SV2C: variants seen among roughly 807,000 people sequenced by gnomAD.
SV2C encodes the protein solute carrier family 22 member B3.
A neutral mutation model predicts 79.7 loss-of-function variants in SV2C; 49 were observed. That is an observed-to-expected ratio of 0.61 (90% confidence interval 0.49 to 0.78). The LOEUF (loss-of-function observed/expected upper bound fraction) is 0.78. SV2C is among the 30% of genes least tolerant of loss of function. SV2C has a pLI of 0.00. For synonymous variants in SV2C, 334 were observed against 333.2 expected (o/e 1.00, Z -0.03); for missense variants, 833 against 912.9 (o/e 0.91, Z 1.13).
At chr5:76,049,335 A>AG in the SV2C span, among the ~76,000 whole-genome samples, 1 of 151,142 alleles carries the variant, frequency 6.6e-6, no homozygotes, top group African/African-American at 2.5e-5. Flanking sequence ...AAAAAAAAAA[A>AG]AAAGAAAAAA....
At chr5:76,093,651 T>A (rs1467208487) in intron 1 of SV2C, among the ~76,000 whole-genome samples, 1 of 152,190 alleles carries the variant, frequency 6.6e-6, no homozygotes, top group East Asian at 1.9e-4. Context: ...ACAAACTGAC[T>A]TCCAGACTGT....
chr5:75,951,450 T>C, the SV2C span, among the ~76,000 whole-genome samples: 3 of 151,988 alleles, frequency 2.0e-5, no homozygotes, highest in Admixed American at 2.0e-4. Context: ...GAAGAAATTA[T>C]TTCACCTCAG....
intron 1 of SV2C, among the ~76,000 whole-genome samples, chr5:76,104,844 A>G (rs905038709): frequency 3.9e-5 from 6 of 152,134 alleles, no homozygotes; most frequent in African/African-American, 1.2e-4. Flanking sequence ...TTTTGTCTAC[A>G]TGCGGTTGTT....
chr5:75,863,567 A>G, the SV2C span, among the ~76,000 whole-genome samples: 1 of 152,184 alleles, frequency 6.6e-6, no homozygotes, highest in African/African-American at 2.4e-5. Flanking sequence ...TTTCTTTGGC[A>G]GTTTTTCCTG....
the SV2C span, among the ~76,000 whole-genome samples, chr5:76,043,788 A>G: frequency 6.6e-6 from 1 of 152,148 alleles, no homozygotes; most frequent in Non-Finnish European, 1.5e-5. Flanking sequence ...CTTTTTCCAT[A>G]GTGTAAAATA....
At chr5:75,994,358 GAGCTCTA>G in the SV2C span, among the ~76,000 whole-genome samples, 1 of 152,162 alleles carries the variant, frequency 6.6e-6, no homozygotes, top group African/African-American at 2.4e-5. Flanking sequence ...CTCTGGCTCT[GAGCTCTA>G]ATTTGAGGAA....
Position 76,325,640 on chromosome 5 carries a change from A to AAGGT in SV2C, c.*94_*97dup. 1 of 1,514,130 alleles carries AAGGT rather than the reference A, an allele frequency of 6.6e-7. No individual in the cohort carries two copies. Among genetic ancestry groups the AAGGT allele is most frequent in the Non-Finnish European group, 8.9e-7 (1 of 1,129,042 alleles). The allele number at this position is 1,514,130 out of a possible 1,614,324, so 93.8% of individuals were successfully genotyped here. ...AGGCTTCAGAGTTTTCCTATATAGAAAGGTGATCAAGTATCAGAACATAAA... is the reference window on the plus strand; with the variant it reads ...AGGCTTCAGAGTTTTCCTATATAGAAAGGTAGGTGATCAAGTATCAGAACATAAA... On this transcript the variant is annotated 3_prime_UTR_variant, in exon 13 of 13. Coordinates refer to ENST00000502798, the MANE Select transcript of SV2C (RefSeq NM_014979.4).
intron 2 of SV2C, among the ~76,000 whole-genome samples, chr5:76,188,972 C>T (rs1365732392): frequency 6.6e-6 from 1 of 151,732 alleles, no homozygotes; most frequent in Non-Finnish European, 1.5e-5. Context: ...TGGGGAGGGT[C>T]CATAAGAGGC....
chr5:75,975,909 A>G, the SV2C span, among the ~76,000 whole-genome samples: 770 of 152,278 alleles, frequency 5.1e-3, 9 homozygotes, highest in African/African-American at 0.016. Context: ...GAAGAAGCAG[A>G]GATTATGCTT....
chr5:76,205,634 C>T (rs903499220), intron 3 of SV2C, among the ~76,000 whole-genome samples: 22 of 152,098 alleles, frequency 1.4e-4, no homozygotes, highest in African/African-American at 4.3e-4. Context: ...CATTCTATAA[C>T]GAACACTAAG....
chr5:75,969,556 G>A, the SV2C span, among the ~76,000 whole-genome samples: 1,088 of 152,160 alleles, frequency 7.2e-3, 16 homozygotes, highest in African/African-American at 0.025. Flanking sequence ...TTAAACCAAC[G>A]AAGATCAAAG....
intron 4 of SV2C, among the ~76,000 whole-genome samples, chr5:76,271,325 A>G (rs910537047): frequency 3.3e-5 from 5 of 152,202 alleles, no homozygotes; most frequent in African/African-American, 1.2e-4. Flanking sequence ...TATAACAGGT[A>G]TATTGTTCCA....
chr5:76,301,447 C>T lies in SV2C; in HGVS notation c.1902C>T (p.Ser634=). 6.2e-7 allele frequency: 1 copy of T among 1,614,046 alleles called. No homozygotes were observed. ...TCCTTTGGTTCGGCACCAGTGAATCCATGATGATAGGCATGCTGTGTCTGT... is the reference window on the plus strand; with the variant it reads ...TCCTTTGGTTCGGCACCAGTGAATCTATGATGATAGGCATGCTGTGTCTGT... ...CFFLWFGTSE[S]MMIGMLCLYN... Residue 634 remains serine (S), a synonymous_variant, in exon 12 of 13, where the codon TCC becomes TCT. Transcript: ENST00000502798.
chr5:76,295,843 T>G lies in SV2C; in HGVS notation c.1403T>G (p.Leu468Trp). 6.2e-7 allele frequency: 1 copy of G among 1,613,678 alleles called. No homozygotes were observed. The highest frequency in any genetic ancestry group is 8.5e-7 in the Non-Finnish European group (1 of 1,179,798). Reference protein sequence around the residue: ...IKPLQSDEYALLTRNVERDKY... With the variant: ...IKPLQSDEYAWLTRNVERDKY... Reference sequence around the variant, plus strand: ...CCTCTGCAGTCCGATGAATATGCATTGCTAACCAGAAATGTGGAGAGAGAT... The same window carrying G: ...CCTCTGCAGTCCGATGAATATGCATGGCTAACCAGAAATGTGGAGAGAGAT... The change falls in exon 9 of 13, where the codon TTG becomes TGG. Residue 468 changes from leucine to tryptophan, a missense_variant. Physicochemically the swap from Leu to Trp is moderately conservative, Grantham distance 61 (BLOSUM62 -2). Transcript: ENST00000502798.
chr5:76,268,479 G>A (rs962737846), intron 4 of SV2C, among the ~76,000 whole-genome samples: 1 of 152,178 alleles, frequency 6.6e-6, no homozygotes, highest in African/African-American at 2.4e-5. Flanking sequence ...CTGCATGGCT[G>A]CAGCTTTATT....
At chr5:76,210,122 G>A (rs57446404) in intron 4 of SV2C, among the ~76,000 whole-genome samples, 18,835 of 152,182 alleles carry the variant, frequency 0.12, 1,908 homozygotes, top group East Asian at 0.31. Context: ...ATTTTCCTCT[G>A]CTGTGCTTTC....
intron 4 of SV2C, among the ~76,000 whole-genome samples, chr5:76,242,652 AG>A (rs1745824346): frequency 1.3e-5 from 2 of 152,154 alleles, no homozygotes; most frequent in African/African-American, 4.8e-5. Context: ...ACAGGGCTAG[AG>A]TTAAAATCCA....
the SV2C span, among the ~76,000 whole-genome samples, chr5:76,054,606 A>G: frequency 6.6e-6 from 1 of 152,178 alleles, no homozygotes. Flanking sequence ...TTACATTCCC[A>G]CCAACAGTGT....
the SV2C span, chr5:75,910,853 C>G: frequency 1.7e-6 from 2 of 1,186,172 alleles, no homozygotes. Flanking sequence ...AATGAGCAAG[C>G]TGAACTGCAA....
Sources: allele counts gnomAD v4.1 joint callset (sites outside exome capture counted in the v4.1 genomes callset), GRCh38; gene constraint gnomAD v4.1.1; transcripts MANE v1.5; gene names NCBI Gene and HGNC (gene_info 2026-07-23, HGNC 2026-07-21).